The following RGCC variants were observed in gnomAD, a reference collection of about 807,000 sequenced individuals.
The protein encoded by RGCC is regulator of cell cycle RGCC.
Under a neutral mutation model 15.4 loss-of-function variants are expected in RGCC, and 15 were observed. The observed-to-expected ratio is 0.97, with a 90% confidence interval of 0.65 to 1.50. The LOEUF (loss-of-function observed/expected upper bound fraction) is 1.50, where lower values mean the gene tolerates loss of function less well. RGCC is among the 40% of genes most tolerant of loss of function. The pLI is 0.00. For missense variants in RGCC, 176 were observed against 189.7 expected (o/e 0.93, Z 0.42); for synonymous variants, 81 against 78.0 (o/e 1.04, Z -0.20).
chr13:41,467,816 GAC>G (rs2043856368), intron 3 of RGCC, among the ~76,000 whole-genome samples: 1 of 152,158 alleles, frequency 6.6e-6, no homozygotes, highest in African/African-American at 2.4e-5. Context: ...TGAATTCAGA[GAC>G]AGAGCAGTCT....
In RGCC at chr13:41,465,006, C is replaced by T. The variant is rs558438058; in HGVS notation, c.236-1817C>T. On this transcript the variant is annotated intron_variant, in intron 2 of 4. Coordinates refer to ENST00000379359, the MANE Select transcript of RGCC (RefSeq NM_014059.3). The stretch of plus-strand genomic sequence containing the variant: ...TGAGGCACCTGAGAAGTTGTGGCAG[C>T]CTCTTAGGGACAAAGCTGAATTTCC... Among the ~76,000 whole-genome samples the T allele has an allele frequency of 2.6e-5, 4 of 152,242 alleles. No individual in the cohort carries two copies. In the South Asian group the frequency reaches 8.3e-4, roughly 32 times the overall value.
chr13:41,460,943 T>G (rs1350516223), intron 2 of RGCC, among the ~76,000 whole-genome samples: 1 of 152,182 alleles, frequency 6.6e-6, no homozygotes, highest in Non-Finnish European at 1.5e-5. Context: ...GCAAGCCTGT[T>G]CTTTGAAGAA....
intron 2 of RGCC, among the ~76,000 whole-genome samples, chr13:41,464,849 A>G (rs1342824991): frequency 6.6e-6 from 1 of 152,070 alleles, no homozygotes; most frequent in East Asian, 1.9e-4. Context: ...AAGGAAGCAA[A>G]GATTGTGAGG....
chr13:41,459,845 G>A (rs544197593), intron 2 of RGCC, among the ~76,000 whole-genome samples: 2 of 152,246 alleles, frequency 1.3e-5, no homozygotes, highest in South Asian at 2.1e-4. Context: ...ACAGATTCTC[G>A]CATGGAAAAG....
At chr13:41,461,084 C>T (rs2043818887) in intron 2 of RGCC, among the ~76,000 whole-genome samples, 1 of 152,206 alleles carries the variant, frequency 6.6e-6, no homozygotes, top group East Asian at 1.9e-4. Context: ...AGGAAATATT[C>T]CTTCCTGTTC....
chr13:41,459,369 A>T (rs1014780511), intron 2 of RGCC, among the ~76,000 whole-genome samples: 1 of 152,202 alleles, frequency 6.6e-6, no homozygotes, highest in African/African-American at 2.4e-5. Flanking sequence ...TCAGCCTTTA[A>T]TCCTTAGATG....
intron 2 of RGCC, among the ~76,000 whole-genome samples, chr13:41,462,253 C>T (rs541661692): frequency 1.3e-5 from 2 of 152,270 alleles, no homozygotes; most frequent in South Asian, 2.1e-4. Flanking sequence ...TGGAGCAGCA[C>T]GTTGACATGC....
chr13:41,468,664 T>A lies in RGCC; in HGVS notation c.344-112T>A, dbSNP rs75804074. The A allele has an allele frequency of 1.4e-3, 1,039 of 764,712 alleles. 6 individuals carry two copies. The highest frequency in any genetic ancestry group is 7.1e-3 in the African/African-American group (406 of 57,006). The allele number at this position is 764,712 out of a possible 1,614,324, so 47.4% of individuals were successfully genotyped here. A position where few individuals can be genotyped will look rare whatever the true frequency, so the allele number is the denominator to read the frequency against. ...GATGTAAAATAGAAATAATCCATTCTATAACTCTGGAAGTTCCAACTTCCT... is the reference window on the plus strand; with the variant it reads ...GATGTAAAATAGAAATAATCCATTCAATAACTCTGGAAGTTCCAACTTCCT... On this transcript the variant is annotated intron_variant, in intron 3 of 4. Coordinates refer to ENST00000379359, the MANE Select transcript of RGCC (RefSeq NM_014059.3).
At position 41,457,839 on chromosome 13, in the gene RGCC, C is replaced by G; in HGVS notation, c.49+83C>G. On this transcript the variant is annotated intron_variant, in intron 1 of 4. Coordinates refer to ENST00000379359, the MANE Select transcript of RGCC (RefSeq NM_014059.3). This position sits in a 1 kb window ranked among gnomAD's most constrained non-coding sequence, Gnocchi z 4.9. The stretch of plus-strand genomic sequence containing the variant: ...AAGGAGGGGCCCCGTGTCGTCCCTT[C>G]ACACCCCCCACCCTTCCATCCTCCC... 3.0e-6 allele frequency: 4 copies of G among 1,345,326 alleles called. No individual in the cohort carries two copies. The highest frequency in any genetic ancestry group is 3.8e-6 in the Non-Finnish European group (4 of 1,046,662). 83.3% of individuals were successfully genotyped at this position (1,345,326 alleles called of 1,614,324 possible).
intron 4 of RGCC, among the ~76,000 whole-genome samples, chr13:41,469,864 C>T (rs1337448657): frequency 6.6e-6 from 1 of 152,140 alleles, no homozygotes; most frequent in Admixed American, 6.5e-5. Context: ...ACTCTATTTC[C>T]AAAGGATAAG....
At chr13:41,468,713 A>C in intron 3 of RGCC, 63 bp from the exon 4 acceptor site, 1 of 1,282,404 alleles carries the variant, frequency 7.8e-7, no homozygotes, top group South Asian at 1.2e-5. Flanking sequence ...TGGAGTCATC[A>C]GCTGTCTTTG....
chr13:41,462,745 A>G lies in RGCC; in HGVS notation c.236-4078A>G, dbSNP rs80332651. Reference sequence around the variant, plus strand: ...AAGGAATAGAGTTCCAGGGGAGGGAAAAGAACAGGATGTCCGGCTTTGCCT... The same window carrying G: ...AAGGAATAGAGTTCCAGGGGAGGGAGAAGAACAGGATGTCCGGCTTTGCCT... On this transcript the variant is annotated intron_variant, in intron 2 of 4. Coordinates refer to ENST00000379359, the MANE Select transcript of RGCC (RefSeq NM_014059.3). Among the ~76,000 whole-genome samples, 1,009 of 152,354 alleles carry G rather than the reference A, an allele frequency of 6.6e-3. 14 individuals carry two copies. The highest frequency in any genetic ancestry group is 0.023 in the African/African-American group (964 of 41,588).
At chr13:41,463,469 CTGTGTGTGTGTGTGTG>C (rs67077388) in intron 2 of RGCC, among the ~76,000 whole-genome samples, 73 of 121,166 alleles carry the variant, frequency 6.0e-4, no homozygotes, top group African/African-American at 2.0e-3. Context: ...TAATGTGTAT[CTGTGTGTGTGTGTGTG>C]TGTGTGTGTG....
Position 41,458,759 on chromosome 13 carries a change from G to A in RGCC, c.235+289G>A, listed in dbSNP as rs2139572257. 6.6e-6 allele frequency among the ~76,000 whole-genome samples: 1 copy of A among 152,270 alleles called. No homozygotes were observed. The highest frequency in any genetic ancestry group is 1.9e-4 in the East Asian group (1 of 5,186). ...CCCTGGACCTGCACCAGGCCTTTCC[G>A]CAGTTTCCCTCCTCTTCTCCTTTCC... is the stretch of plus-strand genomic sequence containing the variant. On this transcript the variant is annotated intron_variant, in intron 2 of 4. Coordinates refer to ENST00000379359, the MANE Select transcript of RGCC (RefSeq NM_014059.3). This position sits in a 1 kb window ranked among gnomAD's most constrained non-coding sequence, Gnocchi z 4.4.
At chr13:41,466,108 T>A (rs906231404) in intron 2 of RGCC, among the ~76,000 whole-genome samples, 45 of 150,578 alleles carry the variant, frequency 3.0e-4, no homozygotes, top group Admixed American at 1.3e-4. Context: ...ACTCACATGC[T>A]CTCACACACA....
At chr13:41,466,962 G>C (rs1411007993) in intron 3 of RGCC, 32 bp downstream of exon 3, 1 of 1,435,320 alleles carries the variant, frequency 7.0e-7, no homozygotes, top group Non-Finnish European at 9.8e-7. Flanking sequence ...TGAGTTTTTT[G>C]CTTTTTTATT....
chr13:41,463,120 A>G (rs2043829594), intron 2 of RGCC, among the ~76,000 whole-genome samples: 1 of 152,206 alleles, frequency 6.6e-6, no homozygotes, highest in South Asian at 2.1e-4. Flanking sequence ...TTCTTCTTCT[A>G]ACAAGGAAGA....
intron 3 of RGCC, among the ~76,000 whole-genome samples, 173 bp from the exon 4 acceptor site, chr13:41,468,603 C>T (rs1037330538): frequency 1.3e-5 from 2 of 152,190 alleles, no homozygotes; most frequent in Non-Finnish European, 2.9e-5. Context: ...TGGCCCAGGA[C>T]ACTCTTCAAT....
intron 2 of RGCC, among the ~76,000 whole-genome samples, chr13:41,462,931 A>T (rs1278391947): frequency 6.6e-6 from 1 of 152,146 alleles, no homozygotes; most frequent in Non-Finnish European, 1.5e-5. Context: ...GATGCCACTG[A>T]AGAGAAAGTT....
Sources: allele counts gnomAD v4.1 joint callset (sites outside exome capture counted in the v4.1 genomes callset), GRCh38; gene constraint gnomAD v4.1.1; non-coding constraint Gnocchi (gnomAD v3.1); transcripts MANE v1.5; gene names NCBI Gene and HGNC (gene_info 2026-07-23, HGNC 2026-07-21).